FAT4: variants seen among roughly 807,000 people sequenced by gnomAD.
FAT4 encodes the protein FAT atypical cadherin 4, also known as protocadherin Fat 4.
In FAT4, 84 loss-of-function variants were observed where a neutral mutation model predicts 303.9. That is an observed-to-expected ratio of 0.28 (90% CI 0.23 to 0.33). The LOEUF is 0.33. FAT4 is among the 10% of genes least tolerant of loss of function. The pLI, the probability that FAT4 is intolerant of heterozygous loss-of-function variation, is 1.00. For synonymous variants in FAT4, 2,307 were observed against 2,298.8 expected (o/e 1.00, Z -0.10); for missense variants, 6,005 against 6,146.8 (o/e 0.98, Z 0.77).
chr4:125,489,867 T>C (rs974638072), intron 17 of FAT4, 34 bp from the exon 18 acceptor site: 1 of 1,074,070 alleles, frequency 9.3e-7, no homozygotes, highest in Non-Finnish European at 1.2e-6. Context: ...TTTTTTTTTT[T>C]TGTAAAAAGC....
intron 2 of FAT4, among the ~76,000 whole-genome samples, chr4:125,323,732 A>C (rs1475905118): frequency 6.6e-6 from 1 of 152,192 alleles, no homozygotes; most frequent in Non-Finnish European, 1.5e-5. Flanking sequence ...TGCTCAAACA[A>C]TTAATTTACT....
At chr4:125,345,457 A>AAC (rs1553961597) in intron 2 of FAT4, among the ~76,000 whole-genome samples, 1 of 151,680 alleles carries the variant, frequency 6.6e-6, no homozygotes, top group East Asian at 1.9e-4. Context: ...TGAAAAAAAA[A>AAC]ACACACAAAA....
At chr4:125,341,886 T>C (rs1448276456) in intron 2 of FAT4, among the ~76,000 whole-genome samples, 1 of 152,042 alleles carries the variant, frequency 6.6e-6, no homozygotes, top group Non-Finnish European at 1.5e-5. Flanking sequence ...ATTGATTTAT[T>C]GAGACTATGT....
At chr4:125,352,094 G>C (rs970591046) in intron 2 of FAT4, among the ~76,000 whole-genome samples, 1 of 151,552 alleles carries the variant, frequency 6.6e-6, no homozygotes, top group African/African-American at 2.4e-5. Context: ...AGGGATTTAG[G>C]TTGTTTCAAG....
chr4:125,436,962 C>A (rs920875519), intron 8 of FAT4, among the ~76,000 whole-genome samples: 17 of 152,114 alleles, frequency 1.1e-4, no homozygotes, highest in African/African-American at 4.1e-4. Context: ...TCCAGTGATT[C>A]TCCTGCCTCA....
Position 125,318,089 on chromosome 4 carries a change from C to A in FAT4, c.1678C>A (p.His560Asn), listed in dbSNP as rs374212078. Residue 560 changes from histidine (H) to asparagine (N), a missense_variant, in exon 2 of 18, where the codon CAC (histidine) becomes AAC (asparagine). By Grantham distance (68) the His-to-Asn change is moderately conservative. Coordinates refer to ENST00000394329, the MANE Select transcript of FAT4 (RefSeq NM_001291303.3). ...TATAAGTGCCCGGGACCAGGGAGTT[C>A]ACCCCAAGGTGTCCTATGCCCAGCT... ...LNISARDQGV[H>N]PKVSYAQLVV... is the part of the protein sequence containing the mutation. The A allele has an allele frequency of 5.0e-6, 8 of 1,614,006 alleles. No homozygotes were observed. The highest frequency in any genetic ancestry group is 1.3e-5 in the African/African-American group (1 of 74,910).
At chr4:125,403,468 T>C (rs891052814) in intron 3 of FAT4, among the ~76,000 whole-genome samples, 3 of 152,122 alleles carry the variant, frequency 2.0e-5, no homozygotes, top group African/African-American at 7.2e-5. Flanking sequence ...TTTTTCCCAT[T>C]CCTTCACCAT....
chr4:125,464,889 G>A (rs1726608220), intron 11 of FAT4, among the ~76,000 whole-genome samples: 1 of 152,126 alleles, frequency 6.6e-6, no homozygotes, highest in Non-Finnish European at 1.5e-5. Flanking sequence ...GCATATAACT[G>A]TGCTATATGG....
intron 9 of FAT4, 47 bp downstream of exon 9, chr4:125,446,590 A>G: frequency 7.0e-7 from 1 of 1,436,096 alleles, no homozygotes; most frequent in Non-Finnish European, 9.3e-7. Flanking sequence ...CAAACTATGT[A>G]TCAGACATTT....
At chr4:125,432,445 A>G (rs1467802583) in intron 7 of FAT4, among the ~76,000 whole-genome samples, 1 of 152,208 alleles carries the variant, frequency 6.6e-6, no homozygotes, top group African/African-American at 2.4e-5. Context: ...AGGACTAAAC[A>G]AATATTTACT....
At chr4:125,481,191 A>G (rs2126086881) in intron 15 of FAT4, among the ~76,000 whole-genome samples, 1 of 152,234 alleles carries the variant, frequency 6.6e-6, no homozygotes, top group South Asian at 2.1e-4. Context: ...TTACAAACAA[A>G]TTTTTCAAGT....
Position 125,450,682 on chromosome 4 carries a change from C to T in FAT4, c.9672C>T (p.Asp3224=). The T allele has an allele frequency of 6.2e-7, 1 of 1,614,110 alleles. No individual in the cohort carries two copies. Residue 3224 remains aspartate (D), a synonymous_variant, in exon 10 of 18, where the codon GAC becomes GAT. Coordinates refer to ENST00000394329, the MANE Select transcript of FAT4 (RefSeq NM_001291303.3). ...TVIHLNATDA[D]SGTNAVIAYT... Reference sequence around the variant, plus strand: ...TCCACCTAAATGCAACAGATGCTGACTCTGGAACAAATGCTGTGATTGCGT... The same window carrying T: ...TCCACCTAAATGCAACAGATGCTGATTCTGGAACAAATGCTGTGATTGCGT...
At chr4:125,479,960 T>C (rs1384016813) in intron 15 of FAT4, 95 bp downstream of exon 15, 64 of 960,206 alleles carry the variant, frequency 6.7e-5, no homozygotes, top group East Asian at 1.5e-4. Context: ...AAAATTATGC[T>C]TTCATTCTAA....
intron 3 of FAT4, among the ~76,000 whole-genome samples, chr4:125,406,589 A>G (rs1237679394): frequency 6.6e-6 from 1 of 152,216 alleles, no homozygotes; most frequent in African/African-American, 2.4e-5. Flanking sequence ...CATAGATAAC[A>G]TGGACATTTT....
chr4:125,447,199 G>T (rs1725856269), intron 9 of FAT4, among the ~76,000 whole-genome samples: 1 of 152,008 alleles, frequency 6.6e-6, no homozygotes, highest in Non-Finnish European at 1.5e-5. Context: ...CATACTCTAA[G>T]AACTGCACAA....
chr4:125,452,290 T>C lies in FAT4; in HGVS notation c.11280T>C (p.Asn3760=), dbSNP rs763965949. The C allele has an allele frequency of 1.2e-6, 2 of 1,614,222 alleles. No homozygotes were observed. The highest frequency in any genetic ancestry group is 8.5e-7 in the Non-Finnish European group (1 of 1,180,034). ...VQLYSAYEEN[N]RTFLLAAVKR... is the part of the protein sequence containing the mutation. ...TGTACAGTGCATATGAAGAGAACAA[T>C]AGAACGTTTCTTTTGGCAGCTGTGA... Residue 3760 remains asparagine, a synonymous_variant, in exon 10 of 18, where the codon AAT becomes AAC. Coordinates refer to ENST00000394329, the MANE Select transcript of FAT4 (RefSeq NM_001291303.3).
rs753978592 is a variant in FAT4 at position 125,317,831 on chromosome 4, G to A, written c.1420G>A (p.Val474Ile). ...TAATGACATCAATGACCATCCTCCT[G>A]TCTTTTCACAGCAAGTGTACAGAGT... is the stretch of plus-strand genomic sequence containing the variant. ...FVNDINDHPP[V>I]FSQQVYRVNL... Residue 474 changes from valine (V) to isoleucine (I), a missense_variant, in exon 2 of 18, where the codon GTC becomes ATC. Val to Ile is a conservative substitution (Grantham distance 29). Transcript: ENST00000394329. This position sits in a 1 kb window ranked among gnomAD's most constrained non-coding sequence, Gnocchi z 7.0. The A allele has an allele frequency of 3.5e-5, 56 of 1,614,090 alleles. No individual in the cohort carries two copies. In the Admixed American group the frequency reaches 9.3e-4, roughly 27 times the overall value.
intron 7 of FAT4, among the ~76,000 whole-genome samples, chr4:125,420,015 T>C (rs1735223809): frequency 6.6e-6 from 1 of 152,150 alleles, no homozygotes; most frequent in Admixed American, 6.5e-5. Context: ...AGCGAGCTGT[T>C]TGGTTTGGTT....
intron 2 of FAT4, among the ~76,000 whole-genome samples, chr4:125,343,599 G>A (rs1021748149): frequency 7.2e-5 from 11 of 151,976 alleles, no homozygotes; most frequent in Admixed American, 6.6e-5. Flanking sequence ...CTCTGAGTTC[G>A]AGTATTGACT....
Sources: gnomAD v4.1 joint callset for allele counts (sites outside exome capture counted in the v4.1 genomes callset) on GRCh38, gnomAD v4.1.1 for gene constraint, Gnocchi (gnomAD v3.1) non-coding constraint, MANE v1.5 for transcripts, NCBI Gene and HGNC (gene_info 2026-07-23, HGNC 2026-07-21) for gene names.